Variants in SNX24 observed in about 807,000 individuals in gnomAD.
SNX24 encodes sorting nexin 24.
A neutral mutation model predicts 28.7 loss-of-function variants in SNX24; 22 were observed. That is an observed-to-expected ratio of 0.77 (90% CI 0.55 to 1.10). SNX24 has a LOEUF of 1.10. Among genes scored for constraint, SNX24 ranks in the 50% least tolerant of loss-of-function variants. SNX24 has a pLI of 0.00. For synonymous variants in SNX24, 69 were observed against 71.5 expected, an observed-to-expected ratio of 0.96 and a Z score of 0.18; for missense variants, 221 against 201.1, an observed-to-expected ratio of 1.10 and a Z score of -0.60.
intron 3 of SNX24, among the ~76,000 whole-genome samples, chr5:122,958,235 G>T (rs35745201): frequency 0.03 from 4,120 of 136,602 alleles, 73 homozygotes; most frequent in Non-Finnish European, 0.039. Flanking sequence ...GTCATGAAAG[G>T]GTGTTGAATT....
chr5:122,970,855 G>C (rs185799102), intron 3 of SNX24, among the ~76,000 whole-genome samples: 140 of 152,232 alleles, frequency 9.2e-4, no homozygotes, highest in Admixed American at 1.7e-3. Context: ...CCCTGTACCT[G>C]TACCCTCCTC....
chr5:122,871,469 T>A (rs1312439174), intron 1 of SNX24, among the ~76,000 whole-genome samples: 2 of 152,120 alleles, frequency 1.3e-5, no homozygotes, highest in Non-Finnish European at 2.9e-5. Flanking sequence ...ACAAATGAAC[T>A]TAAGAAAAGC....
intron 1 of SNX24, among the ~76,000 whole-genome samples, chr5:122,881,333 T>A (rs1021215127): frequency 2.6e-5 from 4 of 152,228 alleles, no homozygotes; most frequent in African/African-American, 9.6e-5. Flanking sequence ...TACTCAACTT[T>A]CAGAAGTGAC....
At chr5:122,996,289 G>A (rs980439355) in intron 3 of SNX24, among the ~76,000 whole-genome samples, 24 of 152,148 alleles carry the variant, frequency 1.6e-4, no homozygotes, top group African/African-American at 4.1e-4. Context: ...ACACAGCACC[G>A]GCCACAGTGC....
intron 1 of SNX24, among the ~76,000 whole-genome samples, chr5:122,915,638 AT>A (rs1012026500): frequency 4.6e-5 from 7 of 151,594 alleles, no homozygotes; most frequent in African/African-American, 1.7e-4. Context: ...TAAAAAAAAA[AT>A]TTTTTTTTCA....
rs577197830 is a variant in SNX24, at chr5:122,864,571, C to T, written c.60+18878C>T. Among the ~76,000 whole-genome samples the T allele has an allele frequency of 3.3e-5, 5 of 152,266 alleles. No homozygotes were observed. In the South Asian group the frequency reaches 6.2e-4, roughly 19 times the overall value. ...AAGGACAATTTAGTGGGTGGGGAGA[C>T]GTCAGTGAGCCAGGAGTGCTGATTG... On this transcript the variant is annotated intron_variant, in intron 1 of 6. Coordinates refer to ENST00000261369, the MANE Select transcript of SNX24 (RefSeq NM_014035.4).
chr5:122,973,791 G>T (rs927070461), intron 3 of SNX24, among the ~76,000 whole-genome samples: 1 of 152,196 alleles, frequency 6.6e-6, no homozygotes, highest in South Asian at 2.1e-4. Context: ...AACAGGCCAA[G>T]AGCTGTCTCT....
intron 3 of SNX24, among the ~76,000 whole-genome samples, chr5:122,994,638 G>A (rs1406352087): frequency 1.3e-5 from 2 of 152,178 alleles, no homozygotes; most frequent in East Asian, 1.9e-4. Context: ...AATAAAAAGA[G>A]CATTTCTTCT....
At chr5:122,854,606 A>G (rs555747381) in intron 1 of SNX24, among the ~76,000 whole-genome samples, 2 of 152,052 alleles carry the variant, frequency 1.3e-5, no homozygotes, top group Non-Finnish European at 2.9e-5. Context: ...ATATAAACAC[A>G]TACTAATATA....
chr5:123,028,581 A>C (rs1762896520), intron 5 of SNX24: 2 of 467,642 alleles, frequency 4.3e-6, no homozygotes, highest in South Asian at 1.1e-4. Context: ...ATCCTGCTTA[A>C]AATAAGGACG....
At chr5:122,918,450 T>C (rs1016236518) in intron 1 of SNX24, among the ~76,000 whole-genome samples, 1 of 152,188 alleles carries the variant, frequency 6.6e-6, no homozygotes, top group African/African-American at 2.4e-5. Flanking sequence ...CTTAGGACTT[T>C]TGGAAAGATA....
chr5:122,893,540 T>G (rs915095522), intron 1 of SNX24, among the ~76,000 whole-genome samples: 1 of 152,184 alleles, frequency 6.6e-6, no homozygotes, highest in Admixed American at 6.5e-5. Context: ...ATACACATAG[T>G]TATATATGTA....
At chr5:122,956,367 TACACACACACACACACACACACACAC>T (rs9327282) in intron 3 of SNX24, among the ~76,000 whole-genome samples, 2 of 147,144 alleles carry the variant, frequency 1.4e-5, no homozygotes, top group East Asian at 3.9e-4. Context: ...AAAAAATATA[TACACACACACACACACACACACACAC>T]ACACACACAC....
chr5:122,946,224 C>A, intron 3 of SNX24, 65 bp downstream of exon 3: 2 of 952,520 alleles, frequency 2.1e-6, no homozygotes, highest in South Asian at 1.5e-5. Flanking sequence ...CACTTTTTCT[C>A]AGGACATGTG....
chr5:123,013,740 G>C (rs1242301514), downstream of SNX24, among the ~76,000 whole-genome samples: 1 of 152,174 alleles, frequency 6.6e-6, no homozygotes, highest in Non-Finnish European at 1.5e-5. Flanking sequence ...TGACAGCTAG[G>C]ACATTGGTGT....
chr5:122,953,433 G>A (rs878954965), intron 3 of SNX24, among the ~76,000 whole-genome samples: 3 of 151,862 alleles, frequency 2.0e-5, no homozygotes, highest in African/African-American at 4.8e-5. Context: ...AAGGTGCTCC[G>A]AGGATAAAGA....
chr5:122,891,124 A>C (rs1190599424), intron 1 of SNX24: 1 of 1,500,090 alleles, frequency 6.7e-7, no homozygotes, highest in Non-Finnish European at 8.9e-7. Context: ...CTTACATATC[A>C]GGTATTTTTG....
At chr5:122,979,764 C>T (rs1201266329) in intron 3 of SNX24, among the ~76,000 whole-genome samples, 2 of 152,156 alleles carry the variant, frequency 1.3e-5, no homozygotes, top group Admixed American at 6.5e-5. Flanking sequence ...CCACATAATG[C>T]CCACCGTTGA....
At chr5:122,903,150 A>G (rs1452162226) in intron 1 of SNX24, among the ~76,000 whole-genome samples, 2 of 151,792 alleles carry the variant, frequency 1.3e-5, no homozygotes, top group African/African-American at 4.8e-5. Context: ...TCTGTCACCC[A>G]GGCTGGAGTG....
Sources: allele counts gnomAD v4.1 joint callset (sites outside exome capture counted in the v4.1 genomes callset), GRCh38; gene constraint gnomAD v4.1.1; transcripts MANE v1.5; gene names NCBI Gene and HGNC (gene_info 2026-07-23, HGNC 2026-07-21).